Variants in CPNE7 observed in about 807,000 individuals in gnomAD.
The protein encoded by CPNE7 is copine 7.
Under a neutral mutation model 66.5 loss-of-function variants are expected in CPNE7, and 78 were observed. That is an observed-to-expected ratio of 1.17 (90% CI 0.98 to 1.42). The LOEUF (loss-of-function observed/expected upper bound fraction) is 1.42, where lower values mean the gene tolerates loss of function less well. Among genes scored for constraint, CPNE7 ranks in the 40% most tolerant of loss-of-function variants. The probability of loss-of-function intolerance (pLI) is 0.00; values close to 1 mark genes in which losing one functional copy is unlikely to be tolerated. For synonymous variants in CPNE7, 468 were observed against 336.7 expected (o/e 1.39, Z -4.27); for missense variants, 1,012 against 776.6 (o/e 1.30, Z -3.60).
Position 89,584,995 on chromosome 16 carries a change from C to G in CPNE7, c.591+138C>G. On this transcript the variant is annotated intron_variant, in intron 5 of 14. Coordinates refer to ENST00000319518, the MANE Select transcript of CPNE7 (RefSeq NM_153636.3). This position sits in a 1 kb window ranked among gnomAD's most constrained non-coding sequence, Gnocchi z 6.0. ...GGGCTTTGGTGGCTGTGGCTATGGC[C>G]AGAATCCAACAGGGAGCCGCAGGCG... The G allele has an allele frequency of 5.2e-6, 4 of 762,000 alleles. No individual in the cohort carries two copies. Among genetic ancestry groups the G allele is most frequent in the Non-Finnish European group, 8.6e-6 (4 of 466,610 alleles). The allele number at this position is 762,000 out of a possible 1,614,324, so 47.2% of individuals were successfully genotyped here. A position where few individuals can be genotyped will look rare whatever the true frequency, so the allele number is the denominator to read the frequency against.
intron 13 of CPNE7, among the ~76,000 whole-genome samples, chr16:89,592,309 C>G (rs1019441717): frequency 6.6e-6 from 1 of 151,550 alleles, no homozygotes; most frequent in Non-Finnish European, 1.5e-5. Context: ...CCGCCGCGCC[C>G]GGCCCAAAAT....
At chr16:89,582,591 A>G (rs1010993460) in intron 2 of CPNE7, among the ~76,000 whole-genome samples, 1 of 152,160 alleles carries the variant, frequency 6.6e-6, no homozygotes, top group Non-Finnish European at 1.5e-5. Flanking sequence ...CCCAGCACCC[A>G]GGACCCCTTT....
intron 9 of CPNE7, 113 bp downstream of exon 9, chr16:89,587,215 C>T: frequency 2.0e-6 from 1 of 506,680 alleles, no homozygotes; most frequent in Non-Finnish European, 3.4e-6. Context: ...TGGCCCCGCC[C>T]ATCCCCGCCC....
intron 3 of CPNE7, 72 bp from the exon 4 acceptor site, chr16:89,583,956 G>C: frequency 6.4e-7 from 1 of 1,568,844 alleles, no homozygotes; most frequent in Non-Finnish European, 8.7e-7. Context: ...AGCCAGCCTG[G>C]GGCCTCTGGT....
chr16:89,589,460 G>C (rs1015030056), intron 10 of CPNE7, among the ~76,000 whole-genome samples: 1 of 152,152 alleles, frequency 6.6e-6, no homozygotes, highest in Non-Finnish European at 1.5e-5. Context: ...GGAGGGCCCG[G>C]CACAAAACCC....
At position 89,590,995 on chromosome 16, in the gene CPNE7, G is replaced by C; in HGVS notation, c.1117-12G>C. 1.2e-6 allele frequency: 2 copies of C among 1,613,606 alleles called. No individual in the cohort carries two copies. The highest frequency in any genetic ancestry group is 1.1e-5 in the South Asian group (1 of 91,086). On this transcript the variant is annotated splice_polypyrimidine_tract_variant and intron_variant, in intron 11 of 14. Coordinates refer to ENST00000319518, the MANE Select transcript of CPNE7 (RefSeq NM_153636.3). ...AACGAGCAGCTGACTGAGCCCTCTTGTTCCCACCCAGGTGTCCCATGACTT... is the reference window on the plus strand; with the variant it reads ...AACGAGCAGCTGACTGAGCCCTCTTCTTCCCACCCAGGTGTCCCATGACTT...
intron 7 of CPNE7, among the ~76,000 whole-genome samples, chr16:89,586,277 G>A (rs931152828): frequency 7.2e-5 from 11 of 152,078 alleles, no homozygotes; most frequent in Non-Finnish European, 1.3e-4. Context: ...ATCAGGTTCA[G>A]CTGGACATTT....
chr16:89,583,864 C>T (rs770545030), intron 3 of CPNE7, 93 bp downstream of exon 3: 120 of 1,493,174 alleles, frequency 8.0e-5, no homozygotes, highest in Non-Finnish European at 1.0e-4. Context: ...GCGTGCCGTC[C>T]AGGGAGGGTC....
At chr16:89,576,177 CG>C (rs1468156015) in intron 1 of CPNE7, 106 bp downstream of exon 1, 6 of 969,668 alleles carry the variant, frequency 6.2e-6, no homozygotes, top group Non-Finnish European at 8.0e-6. Context: ...GGGCGCAAGG[CG>C]GGGCCCCCCG....
intron 9 of CPNE7, among the ~76,000 whole-genome samples, chr16:89,588,334 ACCCAGACCAGGCTTGGTCCACTTAGGC>A (rs2059116727): frequency 6.6e-6 from 1 of 152,038 alleles, no homozygotes. Context: ...ACGTGGGGGG[ACCCAGACCAGGCTTGGTCCACTTAGGC>A]CCTGCCGGGG....
Position 89,596,710 on chromosome 16 carries a change from C to T in CPNE7, c.*89C>T, listed in dbSNP as rs1427298014. 68 of 1,376,740 alleles carry T rather than the reference C, an allele frequency of 4.9e-5. No individual in the cohort carries two copies. Among genetic ancestry groups the T allele is most frequent in the Non-Finnish European group, 6.0e-5 (64 of 1,058,342 alleles). 85.3% of individuals were successfully genotyped at this position (1,376,740 alleles called of 1,614,324 possible). A position where few individuals can be genotyped will look rare whatever the true frequency, so the allele number is the denominator to read the frequency against. On this transcript the variant is annotated 3_prime_UTR_variant, in exon 15 of 15. Coordinates refer to ENST00000319518, the MANE Select transcript of CPNE7 (RefSeq NM_153636.3). ...TGCTTGGGGTCCCTTAAGCTCCCTCCGACCTCCCAGAAGCCTCCAGTCCCC... is the reference window on the plus strand; with the variant it reads ...TGCTTGGGGTCCCTTAAGCTCCCTCTGACCTCCCAGAAGCCTCCAGTCCCC...
At chr16:89,583,066 C>T (rs1425119334) in intron 2 of CPNE7, among the ~76,000 whole-genome samples, 1 of 152,218 alleles carries the variant, frequency 6.6e-6, no homozygotes, top group Non-Finnish European at 1.5e-5. Flanking sequence ...GGCGGAAGTC[C>T]AGCAGGGCCT....
chr16:89,583,255 T>C (rs1007297457), intron 2 of CPNE7, among the ~76,000 whole-genome samples: 1 of 151,928 alleles, frequency 6.6e-6, no homozygotes, highest in Non-Finnish European at 1.5e-5. Context: ...ATGCTGGGCG[T>C]GAGGGTCCGG....
At position 89,584,047 on chromosome 16, in the gene CPNE7, C is replaced by G. The variant is rs529101968; in HGVS notation, c.452C>G (p.Ser151Trp). 1.1e-5 allele frequency: 18 copies of G among 1,612,050 alleles called. No individual in the cohort carries two copies. Among genetic ancestry groups the G allele is most frequent in the Non-Finnish European group, 1.5e-5 (18 of 1,179,642 alleles). ...TGCCAGGTGATCGCCGAGGACATCTCGGGGAACAACGGCTACGTGGAGCTC... is the reference window on the plus strand; with the variant it reads ...TGCCAGGTGATCGCCGAGGACATCTGGGGGAACAACGGCTACGTGGAGCTC... The part of the protein sequence containing the change: ...STITVIAEDI[S>W]GNNGYVELSF... Residue 151 changes from serine (S) to tryptophan (W), a missense_variant, in exon 4 of 15, where the codon TCG (serine) becomes TGG (tryptophan). Coordinates refer to ENST00000319518, the MANE Select transcript of CPNE7 (RefSeq NM_153636.3). This position sits in a 1 kb window ranked among gnomAD's most constrained non-coding sequence, Gnocchi z 6.0.
intron 9 of CPNE7, 28 bp downstream of exon 9, chr16:89,587,130 C>CCCCTCCCCG: frequency 7.5e-7 from 1 of 1,333,850 alleles, no homozygotes; most frequent in Non-Finnish European, 1.0e-6. Context: ...CCCCATGCCG[C>CCCCTCCCCG]CCCCTCAGTC....
At chr16:89,591,506 T>A (rs548929706) in intron 13 of CPNE7, among the ~76,000 whole-genome samples, 25 of 152,236 alleles carry the variant, frequency 1.6e-4, no homozygotes, top group Non-Finnish European at 1.6e-4. Context: ...AGGCTGCCCC[T>A]CTCCTCTTCC....
At chr16:89,589,776 C>A in intron 10 of CPNE7, 121 bp from the exon 11 acceptor site, 3 of 1,015,674 alleles carry the variant, frequency 3.0e-6, no homozygotes, top group Non-Finnish European at 4.4e-6. Flanking sequence ...GTGCTTACTG[C>A]CGTGGTACCA....
intron 2 of CPNE7, among the ~76,000 whole-genome samples, chr16:89,582,634 C>G (rs1264839510): frequency 6.6e-6 from 1 of 152,254 alleles, no homozygotes; most frequent in Admixed American, 6.5e-5. Context: ...ACCCCTTAAC[C>G]TGACTTGACT....
At chr16:89,592,449 T>C (rs1047610537) in intron 13 of CPNE7, among the ~76,000 whole-genome samples, 1 of 112,522 alleles carries the variant, frequency 8.9e-6, no homozygotes, top group Non-Finnish European at 1.9e-5. Context: ...TCTTTTTCAA[T>C]TTTTTTTTTT....
Sources: gnomAD v4.1 joint callset for allele counts (sites outside exome capture counted in the v4.1 genomes callset) on GRCh38, gnomAD v4.1.1 for gene constraint, Gnocchi (gnomAD v3.1) non-coding constraint, MANE v1.5 for transcripts, NCBI Gene and HGNC (gene_info 2026-07-23, HGNC 2026-07-21) for gene names.